Variants in APOO observed in about 807,000 individuals in gnomAD.
APOO encodes the protein MICOS complex subunit MIC26.
In APOO, 11 loss-of-function variants were observed where a neutral mutation model predicts 23.1. The observed-to-expected ratio is 0.48, with a 90% CI of 0.30 to 0.79. The LOEUF (loss-of-function observed/expected upper bound fraction) is 0.79. Ranked by LOEUF, APOO falls within the 30% of genes least tolerant of loss-of-function variation. The probability of loss-of-function intolerance (pLI) is 0.07; values close to 1 mark genes in which losing one functional copy is unlikely to be tolerated. For missense variants in APOO, 160 were observed against 142.7 expected (o/e 1.12, Z -0.62); for synonymous variants, 59 against 54.8 (o/e 1.08, Z -0.34).
At chrX:23,902,258 G>A (rs1277883862) in intron 1 of APOO, among the ~76,000 whole-genome samples, 1 of 111,767 alleles carries the variant, frequency 8.9e-6, no homozygotes, top group Non-Finnish European at 1.9e-5. Flanking sequence ...TGCATTGTGA[G>A]CTTCTGAAAT....
At chrX:23,852,042 G>A (rs773847708) in intron 7 of APOO, among the ~76,000 whole-genome samples, 2 of 111,087 alleles carry the variant, frequency 1.8e-5, no homozygotes, top group African/African-American at 3.3e-5. Flanking sequence ...TTGTGCCTCC[G>A]CCTCCCAAGT....
chrX:23,887,227 C>T (rs1601932126), intron 1 of APOO, among the ~76,000 whole-genome samples: 1 of 70,000 alleles, frequency 1.4e-5, no homozygotes, highest in Non-Finnish European at 2.9e-5. Context: ...TTTTCTTTTT[C>T]CCTTTTTTTT....
At chrX:23,887,980 C>T (rs780037577) in intron 1 of APOO, among the ~76,000 whole-genome samples, 3 of 111,884 alleles carry the variant, frequency 2.7e-5, no homozygotes, top group South Asian at 3.7e-4. Flanking sequence ...ACAGAGAAAA[C>T]GAAAATTTGG....
intron 7 of APOO, among the ~76,000 whole-genome samples, chrX:23,850,484 T>C (rs780643711): frequency 1.6e-4 from 18 of 111,672 alleles, no homozygotes; most frequent in Admixed American, 3.9e-4. Flanking sequence ...GTTGTAATAG[T>C]AATATACTGA....
rs746619001 is a variant in APOO, at chrX:23,873,616, A to C, written c.292+787T>G. ...AGTGATATTTTGTCTCAAAAAAAAA[A>C]AAACAAAAAACCAGTAGGCAGCTAT... On this transcript the variant is annotated intron_variant, in intron 4 of 8. Transcript: ENST00000379226. Among the ~76,000 whole-genome samples, 3 of 110,865 alleles carry C rather than the reference A, an allele frequency of 2.7e-5. No individual in the cohort carries two copies. In the East Asian group the frequency reaches 8.4e-4, roughly 31 times the overall value.
intron 7 of APOO, among the ~76,000 whole-genome samples, chrX:23,851,466 T>C (rs375260864): frequency 9.8e-4 from 110 of 112,260 alleles, no homozygotes; most frequent in African/African-American, 3.4e-3. Flanking sequence ...GTGCTGGGAT[T>C]ACAGGCGTGA....
Position 23,837,027 on chromosome X carries a change from G to A in APOO, c.*29+3286C>T, listed in dbSNP as rs746584296. The A allele has an allele frequency of 2.4e-5, 23 of 954,293 alleles. No homozygotes were observed. In the African/African-American group the frequency reaches 4.4e-4, roughly 18 times the overall value. The allele number at this position is 954,293 out of a possible 1,213,427, so 78.6% of individuals were successfully genotyped here. A position where few individuals can be genotyped will look rare whatever the true frequency, so the allele number is the denominator to read the frequency against. On this transcript the variant is annotated intron_variant, in intron 8 of 8. Coordinates refer to ENST00000379226, the MANE Select transcript of APOO (RefSeq NM_024122.5). Reference sequence around the variant, plus strand: ...CCTGGATAACAACGTTGATGGGGAAGTGAGCATACACAGACCTCATCTTGT... The same window carrying A: ...CCTGGATAACAACGTTGATGGGGAAATGAGCATACACAGACCTCATCTTGT...
Position 23,907,914 on chromosome X carries a change from G to A in APOO, c.-212C>T. ...GCGTCGCTGAGCCGCAGCGCGTCGCGCCCGGGCAGCGGGTGAACGCAAACC... is the reference window on the plus strand; with the variant it reads ...GCGTCGCTGAGCCGCAGCGCGTCGCACCCGGGCAGCGGGTGAACGCAAACC... On this transcript the variant is annotated 5_prime_UTR_variant, in exon 1 of 9. Transcript: ENST00000379226. The A allele has an allele frequency of 2.5e-6, 1 of 394,903 alleles. No individual in the cohort carries two copies. The highest frequency in any genetic ancestry group is 4.1e-6 in the Non-Finnish European group (1 of 242,461). 32.5% of individuals were successfully genotyped at this position (394,903 alleles called of 1,213,427 possible).
chrX:23,886,963 T>C (rs892003407), intron 1 of APOO, among the ~76,000 whole-genome samples: 6 of 111,224 alleles, frequency 5.4e-5, no homozygotes, highest in African/African-American at 2.0e-4. Flanking sequence ...AAAGAGGAGA[T>C]GAACCTTCTT....
chrX:23,882,806 C>T (rs1345248034), intron 1 of APOO, among the ~76,000 whole-genome samples: 1 of 110,815 alleles, frequency 9.0e-6, no homozygotes, highest in Non-Finnish European at 1.9e-5. Flanking sequence ...ACCACCATGT[C>T]CAGCTCATTT....
chrX:23,873,661 C>T (rs938170734), intron 4 of APOO, among the ~76,000 whole-genome samples: 1 of 109,574 alleles, frequency 9.1e-6, no homozygotes, highest in East Asian at 2.8e-4. Flanking sequence ...TGTCTTCAAA[C>T]GATAAATTTA....
intron 1 of APOO, among the ~76,000 whole-genome samples, chrX:23,897,308 T>C (rs1926940613): frequency 8.9e-6 from 1 of 112,302 alleles, no homozygotes; most frequent in Non-Finnish European, 1.9e-5. Context: ...AATAATAAAC[T>C]TGTGCGATAA....
At chrX:23,906,972 TGAA>T (rs1927385811) in intron 1 of APOO, among the ~76,000 whole-genome samples, 1 of 112,941 alleles carries the variant, frequency 8.9e-6, no homozygotes, top group Non-Finnish European at 1.9e-5. Context: ...CTATGCTTCT[TGAA>T]GACTCAATTT....
chrX:23,869,640 GA>G (rs761388017), intron 4 of APOO, among the ~76,000 whole-genome samples: 4,420 of 33,905 alleles, frequency 0.13, 200 homozygotes, highest in South Asian at 0.38. Flanking sequence ...CTCTTAAAAA[GA>G]AAAAAAAAAA....
chrX:23,862,648 C>T (rs906106031), intron 5 of APOO, among the ~76,000 whole-genome samples: 1 of 104,249 alleles, frequency 9.6e-6, no homozygotes, highest in African/African-American at 3.5e-5. Context: ...TGGTGCATGC[C>T]TATAGTCGCA....
chrX:23,848,286 T>A (rs1476072383), intron 7 of APOO, among the ~76,000 whole-genome samples: 1 of 110,854 alleles, frequency 9.0e-6, no homozygotes, highest in Admixed American at 9.7e-5. Context: ...AGTCTCAGCC[T>A]CCTGAGTAGC....
At chrX:23,883,265 C>G (rs986541402) in intron 1 of APOO, 3 of 110,944 alleles carry the variant, frequency 2.7e-5, no homozygotes. Flanking sequence ...GCCCACCACA[C>G]TCCCATCTTG....
intron 8 of APOO, 126 bp downstream of exon 8, chrX:23,840,187 T>C (rs910528213): frequency 1.4e-4 from 54 of 395,700 alleles, no homozygotes; most frequent in Middle Eastern, 7.9e-4. Flanking sequence ...AACTAAAAGA[T>C]GGAATAAAAT....
At chrX:23,884,671 A>T (rs1175054547) in intron 1 of APOO, among the ~76,000 whole-genome samples, 1 of 111,731 alleles carries the variant, frequency 9.0e-6, no homozygotes, top group Non-Finnish European at 1.9e-5. Context: ...ATTGGTCAAA[A>T]GTACAAAGTT....
Sources: allele counts gnomAD v4.1 joint callset (sites outside exome capture counted in the v4.1 genomes callset), GRCh38; gene constraint gnomAD v4.1.1; transcripts MANE v1.5; gene names NCBI Gene and HGNC (gene_info 2026-07-23, HGNC 2026-07-21).